Variants in TTBK2 observed in about 807,000 individuals in gnomAD.
TTBK2 encodes tau tubulin kinase 2, also known as tau-tubulin kinase 2.
A neutral mutation model predicts 110.8 loss-of-function variants in TTBK2; 28 were observed. The observed-to-expected ratio is 0.25, with a 90% confidence interval of 0.19 to 0.35. The LOEUF is 0.35. Ranked by LOEUF, TTBK2 falls within the 10% of genes least tolerant of loss-of-function variation. The pLI, the probability that TTBK2 is intolerant of heterozygous loss-of-function variation, is 1.00. For missense variants in TTBK2, 1,369 were observed against 1,500.3 expected, an observed-to-expected ratio of 0.91 and a Z score of 1.45; for synonymous variants, 532 against 527.3, an observed-to-expected ratio of 1.01 and a Z score of -0.12.
intron 13 of TTBK2, among the ~76,000 whole-genome samples, chr15:42,762,590 G>A (rs142419668): frequency 2.6e-5 from 4 of 152,240 alleles, no homozygotes; most frequent in Non-Finnish European, 5.9e-5. Flanking sequence ...GGTGGCATGT[G>A]CCTGTAGTCC....
chr15:42,806,306 A>C (rs775261618), intron 9 of TTBK2, among the ~76,000 whole-genome samples: 3 of 152,146 alleles, frequency 2.0e-5, no homozygotes, highest in African/African-American at 4.8e-5. Context: ...AAAAAAATTT[A>C]TTTCTTTCCA....
chr15:42,876,270 C>G (rs1894816847), intron 2 of TTBK2, among the ~76,000 whole-genome samples: 1 of 151,890 alleles, frequency 6.6e-6, no homozygotes, highest in Admixed American at 6.6e-5. Flanking sequence ...ACTAAAAATG[C>G]CACTATGCCC....
At chr15:42,793,161 T>C (rs941653281) in intron 10 of TTBK2, among the ~76,000 whole-genome samples, 2 of 152,222 alleles carry the variant, frequency 1.3e-5, no homozygotes, top group African/African-American at 2.4e-5. Flanking sequence ...TGAGAAATAC[T>C]TGATGCATAT....
intron 1 of TTBK2, among the ~76,000 whole-genome samples, chr15:42,901,091 T>C (rs943907603): frequency 1.3e-5 from 2 of 152,178 alleles, no homozygotes; most frequent in Non-Finnish European, 2.9e-5. Flanking sequence ...CCGGGCACAG[T>C]GGCTCACACC....
intron 1 of TTBK2, among the ~76,000 whole-genome samples, chr15:42,912,998 G>A (rs1005542739): frequency 2.0e-4 from 30 of 150,636 alleles, no homozygotes; most frequent in African/African-American, 6.3e-4. Context: ...GGTGGCGGGC[G>A]CCTGTAGTCC....
chr15:42,823,143 T>C (rs1892379939), intron 6 of TTBK2, among the ~76,000 whole-genome samples: 1 of 152,186 alleles, frequency 6.6e-6, no homozygotes, highest in African/African-American at 2.4e-5. Flanking sequence ...TCCTAGGCAC[T>C]GGAAGTTTCA....
At chr15:42,879,784 C>A (rs1208532027) in intron 1 of TTBK2, among the ~76,000 whole-genome samples, 1 of 151,892 alleles carries the variant, frequency 6.6e-6, no homozygotes, top group Non-Finnish European at 1.5e-5. Context: ...GTTGCTTGAG[C>A]CCGGGAGTTT....
At chr15:42,842,642 T>G (rs1018470100) in intron 3 of TTBK2, among the ~76,000 whole-genome samples, 2 of 151,778 alleles carry the variant, frequency 1.3e-5, no homozygotes, top group Admixed American at 1.3e-4. Context: ...TCCCAGCTAC[T>G]TGGGAAGCTA....
intron 10 of TTBK2, among the ~76,000 whole-genome samples, chr15:42,789,908 G>T (rs76785251): frequency 0.02 from 2,903 of 143,600 alleles, 90 homozygotes; most frequent in African/African-American, 0.069. Context: ...TTGTCCATCA[G>T]TGGGTATTTA....
At chr15:42,883,748 T>C (rs962498011) in intron 1 of TTBK2, among the ~76,000 whole-genome samples, 3 of 152,032 alleles carry the variant, frequency 2.0e-5, no homozygotes, top group Non-Finnish European at 2.9e-5. Context: ...TTACCTGTAA[T>C]TACCTTAAGT....
chr15:42,904,504 C>T (rs1394581646), intron 1 of TTBK2, among the ~76,000 whole-genome samples: 1 of 152,014 alleles, frequency 6.6e-6, no homozygotes, highest in African/African-American at 2.4e-5. Context: ...AATGACCTAA[C>T]ATAGGAAGTA....
rs902945205 is a variant in TTBK2 at position 42,744,085 on chromosome 15, T to C, written c.*1710A>G. The C allele has an allele frequency of 2.0e-5, 3 of 152,246 alleles. No homozygotes were observed. The highest frequency in any genetic ancestry group is 2.0e-4 in the Admixed American group (3 of 15,288). 9.4% of individuals were successfully genotyped at this position (152,246 alleles called of 1,614,324 possible). ...AAGGACTGATCTTCCAATATTACAG[T>C]TGCTTTAGATAAACAGCAAGTATGT... On this transcript the variant is annotated 3_prime_UTR_variant, in exon 15 of 15. Coordinates refer to ENST00000267890, the MANE Select transcript of TTBK2 (RefSeq NM_173500.4).
chr15:42,792,076 G>A (rs1186767041), intron 10 of TTBK2, among the ~76,000 whole-genome samples: 1 of 152,206 alleles, frequency 6.6e-6, no homozygotes, highest in Non-Finnish European at 1.5e-5. Flanking sequence ...GGCGGAGGTT[G>A]CAGTGAGCCG....
chr15:42,914,693 TA>T (rs1439145989), intron 1 of TTBK2, among the ~76,000 whole-genome samples: 1 of 152,242 alleles, frequency 6.6e-6, no homozygotes, highest in African/African-American at 2.4e-5. Context: ...TAATTTCAAA[TA>T]GTCTTTTAAA....
At chr15:42,794,953 A>G in intron 9 of TTBK2, 152 bp from the exon 10 acceptor site, 1 of 849,662 alleles carries the variant, frequency 1.2e-6, no homozygotes, top group Middle Eastern at 3.3e-4. Flanking sequence ...AATAGGAACT[A>G]TATGTAGATG....
intron 1 of TTBK2, among the ~76,000 whole-genome samples, chr15:42,913,562 C>T (rs547298098): frequency 1.0e-3 from 158 of 151,786 alleles, no homozygotes; most frequent in Middle Eastern, 0.01. Flanking sequence ...GGCGTGAACC[C>T]GGGAGGCAGA....
intron 13 of TTBK2, among the ~76,000 whole-genome samples, chr15:42,764,781 C>A (rs1428653702): frequency 6.6e-6 from 1 of 152,210 alleles, no homozygotes; most frequent in Non-Finnish European, 1.5e-5. Flanking sequence ...AGTTTGAGCT[C>A]GGAGAATGGA....
chr15:42,779,382 C>G (rs1357252534), intron 11 of TTBK2, among the ~76,000 whole-genome samples: 1 of 146,110 alleles, frequency 6.8e-6, no homozygotes, highest in Non-Finnish European at 1.5e-5. Context: ...GCACTCCAGC[C>G]TGGGCAACAA....
At chr15:42,828,639 C>T (rs1368451951) in intron 5 of TTBK2, among the ~76,000 whole-genome samples, 3 of 150,218 alleles carry the variant, frequency 2.0e-5, no homozygotes, top group Non-Finnish European at 4.4e-5. Flanking sequence ...AGGAGAATTG[C>T]TTGAATCCAG....
Sources: allele counts gnomAD v4.1 joint callset (sites outside exome capture counted in the v4.1 genomes callset), GRCh38; gene constraint gnomAD v4.1.1; transcripts MANE v1.5; gene names NCBI Gene and HGNC (gene_info 2026-07-23, HGNC 2026-07-21).